Variants in PACRG observed in about 807,000 individuals in gnomAD.
The protein encoded by PACRG is parkin coregulated.
A neutral mutation model predicts 29.7 loss-of-function variants in PACRG; 29 were observed. That is an observed-to-expected ratio of 0.98 (90% CI 0.73 to 1.33). PACRG has a LOEUF of 1.33. Ranked by LOEUF, PACRG falls within the 40% of genes most tolerant of loss-of-function variation. The probability of loss-of-function intolerance (pLI) is 0.00; values close to 1 mark genes in which losing one functional copy is unlikely to be tolerated. For synonymous variants in PACRG, 116 were observed against 118.7 expected, an observed-to-expected ratio of 0.98 and a Z score of 0.15; for missense variants, 279 against 316.2, an observed-to-expected ratio of 0.88 and a Z score of 0.89.
At chr6:163,215,729 G>A (rs984203627) in intron 4 of PACRG, among the ~76,000 whole-genome samples, 10 of 152,162 alleles carry the variant, frequency 6.6e-5, no homozygotes, top group Non-Finnish European at 1.5e-4. Flanking sequence ...GCCCCTGGTG[G>A]AACCCTGGAA....
chr6:163,307,115 T>A (rs1785220762), intron 4 of PACRG, among the ~76,000 whole-genome samples: 1 of 152,202 alleles, frequency 6.6e-6, no homozygotes, highest in Admixed American at 6.5e-5. Context: ...TACTTTGCAG[T>A]TGGACAACGA....
chr6:162,751,489 T>G (rs934039641), intron 1 of PACRG, among the ~76,000 whole-genome samples: 6 of 151,918 alleles, frequency 3.9e-5, no homozygotes, highest in African/African-American at 1.5e-4. Context: ...CTTTTTTTTT[T>G]GTAAGACATG....
At chr6:163,006,923 A>G (rs1158677796) in intron 2 of PACRG, among the ~76,000 whole-genome samples, 2 of 151,226 alleles carry the variant, frequency 1.3e-5, no homozygotes, top group Non-Finnish European at 3.0e-5. Flanking sequence ...AATTGCTTCT[A>G]TTATGATTAT....
intron 2 of PACRG, among the ~76,000 whole-genome samples, chr6:162,906,582 A>G (rs2128068018): frequency 6.6e-6 from 1 of 152,330 alleles, no homozygotes; most frequent in African/African-American, 2.4e-5. Context: ...TCAAGCACTG[A>G]TGAATATGCC....
At chr6:162,836,192 T>C (rs1789207457) in intron 2 of PACRG, among the ~76,000 whole-genome samples, 1 of 152,154 alleles carries the variant, frequency 6.6e-6, no homozygotes, top group Non-Finnish European at 1.5e-5. Flanking sequence ...AGATAATCAC[T>C]TTTTCTCTTC....
chr6:163,248,226 A>G (rs1443015284), intron 4 of PACRG, among the ~76,000 whole-genome samples: 1 of 152,232 alleles, frequency 6.6e-6, no homozygotes, highest in Non-Finnish European at 1.5e-5. Context: ...TGTGCCCCGC[A>G]AGAAAGATTC....
chr6:163,246,049 C>T (rs1304152952), intron 4 of PACRG, among the ~76,000 whole-genome samples: 5 of 152,142 alleles, frequency 3.3e-5, no homozygotes, highest in South Asian at 2.1e-4. Context: ...CCTCTGCTTC[C>T]GGGACAGCCC....
chr6:163,102,309 T>C (rs972752444), intron 4 of PACRG, among the ~76,000 whole-genome samples: 4 of 152,232 alleles, frequency 2.6e-5, no homozygotes, highest in African/African-American at 9.6e-5. Context: ...GGCAGACTTA[T>C]TGAGGTTGCT....
rs1415240106 is a variant in PACRG, at chr6:162,853,974, TATC to T, written c.291+39696_291+39698del. Among the ~76,000 whole-genome samples, 4 of 152,036 alleles carry T rather than the reference TATC, an allele frequency of 2.6e-5. No individual in the cohort carries two copies. The highest frequency in any genetic ancestry group is 5.9e-5 in the Non-Finnish European group (4 of 68,000). On this transcript the variant is annotated intron_variant, in intron 2 of 4. Coordinates refer to ENST00000366888, the MANE Select transcript of PACRG (RefSeq NM_001080379.2). This position sits in a 1 kb window ranked among gnomAD's most constrained non-coding sequence, Gnocchi z 4.7. The stretch of plus-strand genomic sequence containing the variant: ...TAACTATTATTATTAATATCATTAG[TATC>T]ATTATACATTTAAAATCTCTAACAT...
At chr6:163,133,403 G>C (rs1351017766) in intron 4 of PACRG, among the ~76,000 whole-genome samples, 1 of 151,724 alleles carries the variant, frequency 6.6e-6, no homozygotes, top group East Asian at 1.9e-4. Context: ...TCATGGAAGA[G>C]AAGAATAATT....
chr6:163,309,134 G>T (rs546400966), intron 4 of PACRG, among the ~76,000 whole-genome samples: 1 of 152,328 alleles, frequency 6.6e-6, no homozygotes, highest in African/African-American at 2.4e-5. Flanking sequence ...TCCGACAAAT[G>T]CTGGGTACGG....
At chr6:163,094,589 C>T (rs897989021) in intron 4 of PACRG, among the ~76,000 whole-genome samples, 2 of 152,196 alleles carry the variant, frequency 1.3e-5, no homozygotes, top group Admixed American at 6.5e-5. Context: ...ATTACTTCCA[C>T]GAAGGCAAAA....
chr6:163,112,071 G>A, intron 4 of PACRG: 1 of 957,304 alleles, frequency 1.0e-6, no homozygotes, highest in Non-Finnish European at 1.2e-6. Context: ...ATTTTTAAAA[G>A]CAAGGCATTG....
intron 2 of PACRG, among the ~76,000 whole-genome samples, chr6:162,816,506 C>T (rs1344544494): frequency 2.0e-5 from 3 of 152,118 alleles, no homozygotes; most frequent in African/African-American, 4.8e-5. Context: ...GCTCCCGCCA[C>T]CACGCCCGGC....
At chr6:163,112,705 C>T (rs1223977428) in intron 4 of PACRG, among the ~76,000 whole-genome samples, 1 of 152,204 alleles carries the variant, frequency 6.6e-6, no homozygotes, top group African/African-American at 2.4e-5. Context: ...CTTAGGTTTA[C>T]ACCTCAGGCT....
intron 3 of PACRG, among the ~76,000 whole-genome samples, chr6:163,082,115 C>T (rs985773589): frequency 6.6e-6 from 1 of 152,006 alleles, no homozygotes; most frequent in Admixed American, 6.6e-5. Context: ...TTATCAATAA[C>T]CTTTAGGAAG....
intron 4 of PACRG, among the ~76,000 whole-genome samples, chr6:163,137,147 T>C (rs1816968635): frequency 2.0e-5 from 3 of 152,236 alleles, no homozygotes. Flanking sequence ...AAGCCTTATC[T>C]ATCACAGTCC....
intron 2 of PACRG, among the ~76,000 whole-genome samples, chr6:162,901,495 G>A (rs1249671954): frequency 6.6e-6 from 1 of 152,204 alleles, no homozygotes; most frequent in Admixed American, 6.5e-5. Context: ...ATAGATAAAG[G>A]TGAGGTTACT....
chr6:163,222,357 A>T (rs1298184727), intron 4 of PACRG, among the ~76,000 whole-genome samples: 1 of 152,120 alleles, frequency 6.6e-6, no homozygotes, highest in Non-Finnish European at 1.5e-5. Context: ...AGGCGGGTGG[A>T]TCCCCCGAGG....
Sources: allele counts gnomAD v4.1 joint callset (sites outside exome capture counted in the v4.1 genomes callset), GRCh38; gene constraint gnomAD v4.1.1; non-coding constraint Gnocchi (gnomAD v3.1); transcripts MANE v1.5; gene names NCBI Gene and HGNC (gene_info 2026-07-23, HGNC 2026-07-21).